The following CSMD1 variants were observed in gnomAD, a reference collection of about 807,000 sequenced individuals.
The protein encoded by CSMD1 is CUB and sushi domain-containing protein 1.
In CSMD1, 213 loss-of-function variants were observed where a neutral mutation model predicts 417.5. The observed-to-expected ratio is 0.51, with a 90% CI of 0.46 to 0.57. The LOEUF (loss-of-function observed/expected upper bound fraction) is 0.57, where lower values mean the gene tolerates loss of function less well. CSMD1 is among the 20% of genes least tolerant of loss of function. CSMD1 has a pLI of 0.00. For missense variants in CSMD1, 6,923 were observed against 4,529.7 expected (o/e 1.53, Z -15.17); for synonymous variants, 2,862 against 1,736.8 (o/e 1.65, Z -16.11).
At chr8:3,244,923 A>T (rs867094820) in intron 26 of CSMD1, among the ~76,000 whole-genome samples, 1 of 152,202 alleles carries the variant, frequency 6.6e-6, no homozygotes, top group South Asian at 2.1e-4. Flanking sequence ...GAGAAGTAAA[A>T]CTGACTCCCT....
At chr8:3,890,235 T>C (rs1029620292) in intron 5 of CSMD1, among the ~76,000 whole-genome samples, 7 of 152,210 alleles carry the variant, frequency 4.6e-5, no homozygotes, top group Non-Finnish European at 2.9e-5. Context: ...ATAAGAAATA[T>C]TCTTGTTGTT....
At chr8:3,030,235 T>C (rs761228079) in intron 50 of CSMD1, among the ~76,000 whole-genome samples, 3 of 152,032 alleles carry the variant, frequency 2.0e-5, no homozygotes, top group African/African-American at 4.8e-5. Flanking sequence ...TGAAAATATA[T>C]ACAGAGTCTG....
chr8:4,213,186 G>C (rs545361299), intron 3 of CSMD1, among the ~76,000 whole-genome samples: 24 of 152,268 alleles, frequency 1.6e-4, no homozygotes, highest in African/African-American at 4.1e-4. Flanking sequence ...ACATAGTTGA[G>C]AATGTGAATC....
At chr8:3,270,000 T>G (rs1585869442) in intron 26 of CSMD1, among the ~76,000 whole-genome samples, 1 of 151,166 alleles carries the variant, frequency 6.6e-6, no homozygotes, top group South Asian at 2.1e-4. Flanking sequence ...AACATGCACG[T>G]AGACATGAAG....
Position 4,499,799 on chromosome 8 carries a change from G to T in CSMD1, c.303-79734C>A, listed in dbSNP as rs1802162155. On this transcript the variant is annotated intron_variant, in intron 2 of 69. Transcript: ENST00000635120. ...AGAGGGAAGGAAGGGAAGTAAATTT[G>T]CATACAAGAGCTATACTGAGATCTT... 2.0e-5 allele frequency among the ~76,000 whole-genome samples: 3 copies of T among 152,172 alleles called. No homozygotes were observed. In the South Asian group the frequency reaches 6.2e-4, roughly 31 times the overall value.
intron 1 of CSMD1, among the ~76,000 whole-genome samples, chr8:4,833,882 C>T (rs73502040): frequency 6.6e-6 from 1 of 152,176 alleles, no homozygotes; most frequent in African/African-American, 2.4e-5. Flanking sequence ...TTGTAAATAA[C>T]AAACCGTACA....
intron 1 of CSMD1, among the ~76,000 whole-genome samples, chr8:4,716,649 G>A (rs890078432): frequency 6.6e-5 from 10 of 152,148 alleles, no homozygotes; most frequent in Non-Finnish European, 1.3e-4. Flanking sequence ...GGCCTATTCA[G>A]CATTTAAGAA....
At chr8:3,171,884 A>G (rs920852134) in intron 37 of CSMD1, among the ~76,000 whole-genome samples, 2 of 152,176 alleles carry the variant, frequency 1.3e-5, no homozygotes, top group African/African-American at 4.8e-5. Flanking sequence ...TACTTGTTAA[A>G]TAGTTTGCAT....
Position 3,018,472 on chromosome 8 carries a change from T to A in CSMD1, c.8029+5A>T. On this transcript the variant is annotated splice_donor_5th_base_variant and intron_variant, in intron 52 of 69. Coordinates refer to ENST00000635120, the MANE Select transcript of CSMD1 (RefSeq NM_033225.6). ...AAGTAAGTGCCAGAACACAGATGAA[T>A]TTACCCAGACATCGAGTTTCGCTGC... 6.2e-7 allele frequency: 1 copy of A among 1,612,768 alleles called. No individual in the cohort carries two copies. The highest frequency in any genetic ancestry group is 8.5e-7 in the Non-Finnish European group (1 of 1,179,146).
intron 2 of CSMD1, among the ~76,000 whole-genome samples, chr8:4,511,522 G>T (rs553862603): frequency 2.6e-4 from 39 of 152,190 alleles, no homozygotes; most frequent in South Asian, 1.0e-3. Flanking sequence ...CTAAGAGAAA[G>T]CTCCACAAAC....
At chr8:3,938,123 T>TTC (rs1810629983) in intron 5 of CSMD1, among the ~76,000 whole-genome samples, 1 of 151,794 alleles carries the variant, frequency 6.6e-6, no homozygotes, top group East Asian at 1.9e-4. Context: ...TATAAAATGT[T>TTC]AGATGTAAAT....
At chr8:4,497,665 A>G (rs1308089940) in intron 2 of CSMD1, among the ~76,000 whole-genome samples, 1 of 152,168 alleles carries the variant, frequency 6.6e-6, no homozygotes, top group Non-Finnish European at 1.5e-5. Flanking sequence ...TGAGGAAATT[A>G]CCATACTCCA....
chr8:3,644,602 A>T (rs1797481209), intron 7 of CSMD1, among the ~76,000 whole-genome samples: 1 of 152,148 alleles, frequency 6.6e-6, no homozygotes. Flanking sequence ...GAAAGGAATG[A>T]ACGGGATAAG....
rs1563182695 is a variant in CSMD1, at chr8:4,446,392, A to T, written c.303-26327T>A. On this transcript the variant is annotated intron_variant, in intron 2 of 69. Coordinates refer to ENST00000635120, the MANE Select transcript of CSMD1 (RefSeq NM_033225.6). The stretch of plus-strand genomic sequence containing the variant: ...GCAGAACCCCAACTCCATAAAAACA[A>T]ACAAAAGTAGCCATGGGTGGTGGTG... Among the ~76,000 whole-genome samples, 5 of 152,042 alleles carry T rather than the reference A, an allele frequency of 3.3e-5. No individual in the cohort carries two copies. In the South Asian group the frequency reaches 1.0e-3, roughly 32 times the overall value.
At chr8:4,592,291 T>C (rs1190385355) in intron 2 of CSMD1, among the ~76,000 whole-genome samples, 1 of 151,762 alleles carries the variant, frequency 6.6e-6, no homozygotes, top group African/African-American at 2.4e-5. Flanking sequence ...GTGAAAGTGG[T>C]ATATTTACAG....
chr8:4,320,294 G>A (rs776188614), intron 3 of CSMD1, among the ~76,000 whole-genome samples: 1 of 152,136 alleles, frequency 6.6e-6, no homozygotes, highest in Non-Finnish European at 1.5e-5. Flanking sequence ...GAATACAAGA[G>A]TGTTCACCTT....
intron 2 of CSMD1, among the ~76,000 whole-genome samples, chr8:4,558,695 C>T (rs990362670): frequency 1.3e-5 from 2 of 151,936 alleles, no homozygotes; most frequent in African/African-American, 2.4e-5. Context: ...GGTGAAACTC[C>T]GCCTCTACTA....
At chr8:4,595,885 G>A (rs1800249715) in intron 2 of CSMD1, among the ~76,000 whole-genome samples, 3 of 152,078 alleles carry the variant, frequency 2.0e-5, no homozygotes, top group African/African-American at 7.2e-5. Flanking sequence ...TGCATGGAAT[G>A]ATCTTGCATG....
At chr8:3,857,883 C>G (rs1425986812) in intron 5 of CSMD1, among the ~76,000 whole-genome samples, 3 of 152,238 alleles carry the variant, frequency 2.0e-5, no homozygotes, top group Non-Finnish European at 4.4e-5. Flanking sequence ...TGATATGTAA[C>G]AGGGATTGCT....
Sources: gnomAD v4.1 joint callset for allele counts (sites outside exome capture counted in the v4.1 genomes callset) on GRCh38, gnomAD v4.1.1 for gene constraint, MANE v1.5 for transcripts, NCBI Gene and HGNC (gene_info 2026-07-23, HGNC 2026-07-21) for gene names.